Variants in SLC24A3 observed in about 807,000 individuals in gnomAD.
SLC24A3 encodes solute carrier family 24 member 3, also known as sodium/potassium/calcium exchanger 3.
Under a neutral mutation model 75.8 loss-of-function variants are expected in SLC24A3, and 28 were observed. The ratio of observed to expected loss-of-function variants is 0.37; its 90% CI spans 0.27 to 0.51. The LOEUF (loss-of-function observed/expected upper bound fraction) is 0.51. SLC24A3 is among the 20% of genes least tolerant of loss of function. The pLI, the probability that SLC24A3 is intolerant of heterozygous loss-of-function variation, is 0.94. For synonymous variants in SLC24A3, 372 were observed against 334.1 expected, an observed-to-expected ratio of 1.11 and a Z score of -1.24; for missense variants, 663 against 847.8, an observed-to-expected ratio of 0.78 and a Z score of 2.71.
chr20:19,344,222 C>G (rs1985337804), intron 2 of SLC24A3, among the ~76,000 whole-genome samples: 1 of 152,180 alleles, frequency 6.6e-6, no homozygotes, highest in Admixed American at 6.5e-5. Flanking sequence ...TGTCTTCTTA[C>G]TTTCCTTGAT....
intron 1 of SLC24A3, among the ~76,000 whole-genome samples, chr20:19,234,117 G>C (rs556390376): frequency 5.9e-5 from 9 of 152,330 alleles, no homozygotes; most frequent in Admixed American, 5.2e-4. Context: ...CATTGAGATT[G>C]CACAGCTCGG....
rs1600312375 is a variant in SLC24A3 at position 19,633,828 on chromosome 20, C to G, written c.613-20234C>G. On this transcript the variant is annotated intron_variant, in intron 6 of 16. Transcript: ENST00000328041. ...GCTGGGGGAAAGGCACAATTCCCCCCATAACAAGCACCCTTCTTAAGGAGT... is the reference window on the plus strand; with the variant it reads ...GCTGGGGGAAAGGCACAATTCCCCCGATAACAAGCACCCTTCTTAAGGAGT... Among the ~76,000 whole-genome samples the G allele has an allele frequency of 2.0e-5, 3 of 152,052 alleles. No individual in the cohort carries two copies. The East Asian group carries it at 5.8e-4, about 29-fold the overall frequency.
intron 1 of SLC24A3, among the ~76,000 whole-genome samples, chr20:19,251,530 G>A (rs1982653457): frequency 1.3e-5 from 2 of 152,306 alleles, no homozygotes; most frequent in South Asian, 2.1e-4. Context: ...GGCAGATAAA[G>A]GTGCATTCTT....
At chr20:19,542,264 G>C (rs1391349823) in intron 3 of SLC24A3, among the ~76,000 whole-genome samples, 2 of 152,184 alleles carry the variant, frequency 1.3e-5, no homozygotes, top group Non-Finnish European at 1.5e-5. Context: ...ATGTTTACTA[G>C]GTATTGAAAT....
Position 19,654,114 on chromosome 20 carries a change from T to A in SLC24A3, c.665T>A (p.Leu222Gln). 1 of 1,613,836 alleles carries A rather than the reference T, an allele frequency of 6.2e-7. No homozygotes were observed. Among genetic ancestry groups the A allele is most frequent in the Non-Finnish European group, 8.5e-7 (1 of 1,179,758 alleles). ...CLLRDSIYYT[L>Q]SVIALIVFIY... is the part of the protein sequence containing the mutation. Reference sequence around the variant, plus strand: ...CTGAGGGATTCTATTTACTACACGCTGTCTGTGATCGCGCTCATCGTGGTG... The same window carrying A: ...CTGAGGGATTCTATTTACTACACGCAGTCTGTGATCGCGCTCATCGTGGTG... Residue 222 changes from leucine to glutamine, a missense_variant, in exon 7 of 17, where the codon CTG becomes CAG. Leu to Gln is a moderately radical substitution (Grantham distance 113). Coordinates refer to ENST00000328041, the MANE Select transcript of SLC24A3 (RefSeq NM_020689.4).
chr20:19,413,224 C>A (rs1332546329), intron 2 of SLC24A3, among the ~76,000 whole-genome samples: 3 of 152,138 alleles, frequency 2.0e-5, no homozygotes, highest in Non-Finnish European at 4.4e-5. Context: ...TAAGTCAGAC[C>A]ATTTTCTGAA....
chr20:19,465,745 A>C (rs1390313892), intron 2 of SLC24A3, among the ~76,000 whole-genome samples: 1 of 152,128 alleles, frequency 6.6e-6, no homozygotes, highest in Admixed American at 6.5e-5. Flanking sequence ...GCCCAATTGC[A>C]CTCAGCAGTT....
intron 1 of SLC24A3, among the ~76,000 whole-genome samples, chr20:19,219,335 A>C (rs368133878): frequency 1.3e-5 from 2 of 152,062 alleles, no homozygotes; most frequent in African/African-American, 4.8e-5. Flanking sequence ...CCCTTGAGGG[A>C]GTTCCTGCCC....
chr20:19,702,475 C>T (rs2032885039), intron 15 of SLC24A3, among the ~76,000 whole-genome samples: 1 of 152,112 alleles, frequency 6.6e-6, no homozygotes, highest in South Asian at 2.1e-4. Flanking sequence ...GGGGGAAATG[C>T]AGGAGAAGAA....
At chr20:19,480,374 C>G (rs1340441469) in intron 2 of SLC24A3, among the ~76,000 whole-genome samples, 1 of 152,204 alleles carries the variant, frequency 6.6e-6, no homozygotes, top group East Asian at 1.9e-4. Context: ...TCATATTCTA[C>G]ATTGTTCTCT....
intron 2 of SLC24A3, among the ~76,000 whole-genome samples, chr20:19,310,134 T>C (rs1873605068): frequency 6.6e-6 from 1 of 152,148 alleles, no homozygotes; most frequent in South Asian, 2.1e-4. Context: ...TGTCATGACA[T>C]CTAATAACTG....
At chr20:19,599,511 A>G (rs2031498193) in intron 6 of SLC24A3, among the ~76,000 whole-genome samples, 1 of 152,134 alleles carries the variant, frequency 6.6e-6, no homozygotes, top group Admixed American at 6.5e-5. Flanking sequence ...GCGCATCTGT[A>G]TATGTATGAT....
At position 19,667,334 on chromosome 20, in the gene SLC24A3, C is replaced by T. The variant is rs140485524; in HGVS notation, c.713+1445C>T. Among the ~76,000 whole-genome samples, 1,030 of 152,260 alleles carry T rather than the reference C, an allele frequency of 6.8e-3. 9 individuals carry two copies. Among genetic ancestry groups the T allele is most frequent in the African/African-American group, 0.023 (971 of 41,544 alleles). On this transcript the variant is annotated intron_variant, in intron 8 of 16. Coordinates refer to ENST00000328041, the MANE Select transcript of SLC24A3 (RefSeq NM_020689.4). ...AAAGGAATTGACATGCCCAGGAGCA[C>T]CCCAGATCAGAGAACCTCCTTGTTA...
In SLC24A3 at chr20:19,471,278, T is replaced by C. The variant is rs546137141; in HGVS notation, c.272-44210T>C. Among the ~76,000 whole-genome samples, 11 of 152,318 alleles carry C rather than the reference T, an allele frequency of 7.2e-5. No individual in the cohort carries two copies. In the South Asian group the frequency reaches 1.9e-3, roughly 26 times the overall value. ...ATCCCCAGATTTGCCCAGTCTTCGC[T>C]CTAAACTGCTGTTTTGGTCAGTCCA... is the stretch of plus-strand genomic sequence containing the variant. On this transcript the variant is annotated intron_variant, in intron 2 of 16. Transcript: ENST00000328041.
chr20:19,306,585 T>C (rs957293338), intron 2 of SLC24A3, among the ~76,000 whole-genome samples: 1 of 152,108 alleles, frequency 6.6e-6, no homozygotes, highest in African/African-American at 2.4e-5. Flanking sequence ...TGATCCTAAG[T>C]GAATTATCGC....
At chr20:19,590,431 T>C (rs910533181) in intron 6 of SLC24A3, among the ~76,000 whole-genome samples, 2 of 152,030 alleles carry the variant, frequency 1.3e-5, no homozygotes, top group Admixed American at 1.3e-4. Flanking sequence ...TCCAAGAAGC[T>C]GGGGACAGAG....
At chr20:19,513,897 G>A (rs1229428916) in intron 2 of SLC24A3, among the ~76,000 whole-genome samples, 1 of 152,046 alleles carries the variant, frequency 6.6e-6, no homozygotes, top group African/African-American at 2.4e-5. Context: ...TATCATTTAT[G>A]TGTGTGTGTT....
At chr20:19,235,119 T>C (rs1982127632) in intron 1 of SLC24A3, among the ~76,000 whole-genome samples, 1 of 152,258 alleles carries the variant, frequency 6.6e-6, no homozygotes, top group Non-Finnish European at 1.5e-5. Flanking sequence ...TAGTGCTCTA[T>C]CGGGGCCATT....
intron 8 of SLC24A3, 68 bp downstream of exon 8, chr20:19,665,957 A>T: frequency 6.5e-7 from 1 of 1,532,542 alleles, no homozygotes; most frequent in Non-Finnish European, 8.9e-7. Context: ...ATTGAAGACC[A>T]GTGTTGGGAT....
Sources: allele counts gnomAD v4.1 joint callset (sites outside exome capture counted in the v4.1 genomes callset), GRCh38; gene constraint gnomAD v4.1.1; transcripts MANE v1.5; gene names NCBI Gene and HGNC (gene_info 2026-07-23, HGNC 2026-07-21).